Variants in DOK7 observed in about 807,000 individuals in gnomAD.
DOK7 encodes docking protein 7.
In DOK7, 32 loss-of-function variants were observed where a neutral mutation model predicts 30.7. The ratio of observed to expected loss-of-function variants is 1.04; its 90% CI spans 0.79 to 1.40. The LOEUF (loss-of-function observed/expected upper bound fraction) is 1.40, where lower values mean the gene tolerates loss of function less well. DOK7 is among the 40% of genes most tolerant of loss of function. The pLI, the probability that DOK7 is intolerant of heterozygous loss-of-function variation, is 0.00. For missense variants in DOK7, 1,007 were observed against 699.2 expected (o/e 1.44, Z -4.97); for synonymous variants, 447 against 324.1 (o/e 1.38, Z -4.07).
chr4:3,490,150 C>CTTCCT (rs1560225900), intron 6 of DOK7, among the ~76,000 whole-genome samples: 2 of 62,876 alleles, frequency 3.2e-5, no homozygotes, highest in African/African-American at 1.3e-4. Context: ...TTCCTTCCTT[C>CTTCCT]CCCACCCTGC....
intron 2 of DOK7, among the ~76,000 whole-genome samples, chr4:3,465,402 C>T (rs1001606837): frequency 7.2e-5 from 11 of 152,196 alleles, no homozygotes; most frequent in Non-Finnish European, 1.2e-4. Flanking sequence ...ATGGGCCCGG[C>T]GTGGAGGGAG....
At chr4:3,489,820 C>A in intron 6 of DOK7, 24 bp downstream of exon 6, 1 of 1,563,262 alleles carries the variant, frequency 6.4e-7, no homozygotes, top group East Asian at 2.4e-5. Flanking sequence ...CTGACCTGGG[C>A]TGTGGGACCT....
chr4:3,495,559 G>A (rs1299178587), downstream of DOK7, among the ~76,000 whole-genome samples: 3 of 152,246 alleles, frequency 2.0e-5, no homozygotes, highest in Non-Finnish European at 4.4e-5. Context: ...CCGGGCGTCT[G>A]AAGGTTCCGG....
chr4:3,484,359 C>T (rs1175856019), intron 4 of DOK7, among the ~76,000 whole-genome samples: 2 of 152,240 alleles, frequency 1.3e-5, no homozygotes, highest in East Asian at 3.8e-4. Flanking sequence ...CAGAGCATGA[C>T]TGGGCAGCAG....
At chr4:3,498,704 G>C (rs1006564334), downstream of DOK7, among the ~76,000 whole-genome samples, 1 of 152,190 alleles carries the variant, frequency 6.6e-6, no homozygotes, top group African/African-American at 2.4e-5. Context: ...GTCCCTGCTG[G>C]CCCAGGTGCC....
chr4:3,479,331 C>T (rs553799097), intron 4 of DOK7, among the ~76,000 whole-genome samples: 8 of 152,372 alleles, frequency 5.3e-5, no homozygotes, highest in East Asian at 1.9e-4. Flanking sequence ...CAATTCCATC[C>T]GCAGAGGCTC....
chr4:3,489,553 G>T lies in DOK7; in HGVS notation c.653-124G>T, dbSNP rs914995959. 4.1e-6 allele frequency: 6 copies of T among 1,463,652 alleles called. No homozygotes were observed. In the African/African-American group the frequency reaches 7.0e-5, roughly 17 times the overall value. The allele number at this position is 1,463,652 out of a possible 1,614,324, so 90.7% of individuals were successfully genotyped here. On this transcript the variant is annotated intron_variant, in intron 5 of 6. Coordinates refer to ENST00000340083, the MANE Select transcript of DOK7 (RefSeq NM_173660.5). ...TGGGATGAGGCATCGGGAGGAGCGG[G>T]GACTCCCAGGGGACTGCCACTCCAC...
At chr4:3,468,169 T>C (rs1052648952) in intron 2 of DOK7, among the ~76,000 whole-genome samples, 1 of 147,158 alleles carries the variant, frequency 6.8e-6, no homozygotes. Context: ...TGTGTGCATG[T>C]GAATACCTGT....
chr4:3,484,472 C>T (rs113371008), intron 4 of DOK7: 19 of 984,420 alleles, frequency 1.9e-5, no homozygotes, highest in Middle Eastern at 5.2e-4. Flanking sequence ...GCAGAGGCCC[C>T]GGAGCGGGCG....
intron 2 of DOK7, among the ~76,000 whole-genome samples, chr4:3,468,035 AC>A (rs1422412474): frequency 6.6e-6 from 1 of 152,162 alleles, no homozygotes; most frequent in East Asian, 1.9e-4. Context: ...TCAGATTCAG[AC>A]CCCAGCACTG....
downstream of DOK7, among the ~76,000 whole-genome samples, chr4:3,498,541 C>T (rs568460741): frequency 6.6e-6 from 1 of 152,142 alleles, no homozygotes; most frequent in Non-Finnish European, 1.5e-5. Flanking sequence ...CCGGCCCTGC[C>T]CCTTGGCTTC....
intron 6 of DOK7, 76 bp from the exon 7 acceptor site, chr4:3,492,683 G>C: frequency 6.3e-7 from 1 of 1,583,188 alleles, no homozygotes; most frequent in Non-Finnish European, 8.6e-7. Context: ...GCCTGTGGGG[G>C]TCCACCAGGC....
downstream of DOK7, among the ~76,000 whole-genome samples, chr4:3,495,425 CAGCGGTGGCCTGG>C (rs1356517940): frequency 6.6e-6 from 1 of 152,258 alleles, no homozygotes; most frequent in African/African-American, 2.4e-5. Context: ...AAGCACCCCA[CAGCGGTGGCCTGG>C]AGTCATGGGG....
chr4:3,473,007 G>A (rs1043278553), intron 2 of DOK7, among the ~76,000 whole-genome samples: 4 of 152,214 alleles, frequency 2.6e-5, no homozygotes, highest in African/African-American at 7.2e-5. Flanking sequence ...GCAGAACCAG[G>A]GCAGGAGGCC....
At position 3,485,605 on chromosome 4, in the gene DOK7, T is replaced by C; in HGVS notation, c.599T>C (p.Val200Ala). 1 of 1,608,150 alleles carries C rather than the reference T, an allele frequency of 6.2e-7. No individual in the cohort carries two copies. The highest frequency in any genetic ancestry group is 1.3e-5 in the African/African-American group (1 of 74,834). Reference sequence around the variant, plus strand: ...ATCAGCTTCCTGTTCGACTGCATCGTCCGAGGCATCTCCCCCACCAAGGGC... The same window carrying C: ...ATCAGCTTCCTGTTCGACTGCATCGCCCGAGGCATCTCCCCCACCAAGGGC... The part of the protein sequence containing the change: ...EQISFLFDCI[V>A]RGISPTKGPF... Residue 200 changes from valine to alanine, a missense_variant, in exon 5 of 7, where the codon GTC becomes GCC. Physicochemically the swap from Val to Ala is moderately conservative, Grantham distance 64. Transcript: ENST00000340083.
At position 3,492,567 on chromosome 4, in the gene DOK7, A is replaced by G. The variant is rs566138899; in HGVS notation, c.773-192A>G. ...AGAAGGACAGGAACGGACAAAGAAC[A>G]GGAGTGGATGAGGGGTAGAGGGGTT... On this transcript the variant is annotated intron_variant, in intron 6 of 6. Transcript: ENST00000340083. Among the ~76,000 whole-genome samples the G allele has an allele frequency of 4.2e-3, 645 of 152,010 alleles. 4 individuals are homozygous for G. Among genetic ancestry groups the G allele is most frequent in the Middle Eastern group, 0.02 (6 of 294 alleles).
At chr4:3,472,243 G>T (rs1314774974) in intron 2 of DOK7, among the ~76,000 whole-genome samples, 1 of 152,258 alleles carries the variant, frequency 6.6e-6, no homozygotes, top group East Asian at 1.9e-4. Context: ...ATGAGTGTCT[G>T]CGTCAAATTC....
exon 7 of DOK7, chr4:3,500,333 C>T (rs1433781925): frequency 1.3e-6 from 2 of 1,535,966 alleles, no homozygotes; most frequent in Admixed American, 3.9e-5. Flanking sequence ...ACATCCCCGT[C>T]AGCCCATCCT....
chr4:3,494,574 G>T (rs191840650), downstream of DOK7: 7 of 953,162 alleles, frequency 7.3e-6, no homozygotes, highest in Non-Finnish European at 8.7e-6. Context: ...CCCCGGGCCC[G>T]GCTTCCCTGG....
Sources: gnomAD v4.1 joint callset for allele counts (sites outside exome capture counted in the v4.1 genomes callset) on GRCh38, gnomAD v4.1.1 for gene constraint, MANE v1.5 for transcripts, NCBI Gene and HGNC (gene_info 2026-07-23, HGNC 2026-07-21) for gene names.